NLGN4Y: variants seen among roughly 807,000 people sequenced by gnomAD.
NLGN4Y encodes neuroligin-4, Y-linked.
Under a neutral mutation model 8.4 loss-of-function variants are expected in NLGN4Y, and 4 were observed. That is an observed-to-expected ratio of 0.48 (90% CI 0.23 to 1.09). The LOEUF (loss-of-function observed/expected upper bound fraction) is 1.09, where lower values mean the gene tolerates loss of function less well. Among genes scored for constraint, NLGN4Y ranks in the 50% least tolerant of loss-of-function variants. The pLI is 0.19. For missense variants in NLGN4Y, 90 were observed against 192.3 expected (o/e 0.47, Z 3.15); for synonymous variants, 35 against 75.6 (o/e 0.46, Z 2.78).
chrY:14,839,555 C>T (rs907093885), intron 6 of NLGN4Y, among the ~76,000 whole-genome samples: 57 of 32,910 alleles, frequency 1.7e-3, no homozygotes, highest in Non-Finnish European at 3.6e-3. Flanking sequence ...AATATGTTAA[C>T]CTTGGCGTAA....
At chrY:14,601,851 G>A (rs1006756377) in intron 1 of NLGN4Y, among the ~76,000 whole-genome samples, 2 of 32,951 alleles carry the variant, frequency 6.1e-5, no homozygotes, top group Admixed American at 2.7e-4. Flanking sequence ...CCTGGGAGCA[G>A]AGGTTGCAGT....
intron 1 of NLGN4Y, among the ~76,000 whole-genome samples, chrY:14,549,673 C>A: frequency 3.0e-5 from 1 of 33,313 alleles, no homozygotes; most frequent in Non-Finnish European, 7.4e-5. Flanking sequence ...CCAGTTTCCT[C>A]GTTCTGCAGA....
At position 14,842,067 on chromosome Y, in the gene NLGN4Y, C is replaced by A. The variant is rs1285589533; in HGVS notation, c.*805C>A. ...CATGTAAACAAAGACATGGGATTTT[C>A]TGACGTAAGATTTTCATTTGTAGGA... On this transcript the variant is annotated 3_prime_UTR_variant, in exon 7 of 7. Coordinates refer to ENST00000684976, the MANE Select transcript of NLGN4Y (RefSeq NM_001365588.1). 2 of 121,502 alleles carry A rather than the reference C, an allele frequency of 1.6e-5. No individual in the cohort carries two copies. The highest frequency in any genetic ancestry group is 3.6e-5 in the Non-Finnish European group (2 of 56,137). 30.3% of individuals were successfully genotyped at this position (121,502 alleles called of 400,897 possible).
intron 1 of NLGN4Y, among the ~76,000 whole-genome samples, chrY:14,540,302 TA>T (rs2080145828): frequency 6.3e-5 from 2 of 31,851 alleles, no homozygotes; most frequent in African/African-American, 1.2e-4. Context: ...AGGGCATCTC[TA>T]AAAAAAAGGC....
At chrY:14,545,334 T>G in intron 1 of NLGN4Y, among the ~76,000 whole-genome samples, 1 of 33,338 alleles carries the variant, frequency 3.0e-5, no homozygotes, top group Non-Finnish European at 7.4e-5. Context: ...TTTCCAGTTC[T>G]AGATCCCTGA....
chrY:14,756,866 CATATATAT>C (rs145217639), intron 4 of NLGN4Y, among the ~76,000 whole-genome samples: 411 of 2,132 alleles, frequency 0.19, no homozygotes, highest in East Asian at 0.25. Flanking sequence ...ATATTTTATA[CATATATAT>C]ATATATATAT....
intron 2 of NLGN4Y, 69 bp from the exon 3 acceptor site, chrY:14,719,390 A>AT: frequency 6.5e-6 from 1 of 154,189 alleles, no homozygotes; most frequent in South Asian, 9.5e-5. Flanking sequence ...TCTTTTCTGA[A>AT]TTTTTTGCAA....
intron 2 of NLGN4Y, among the ~76,000 whole-genome samples, chrY:14,675,219 T>A (rs2150530865): frequency 3.0e-5 from 1 of 33,009 alleles, no homozygotes; most frequent in East Asian, 8.2e-4. Flanking sequence ...ATTACTAGAG[T>A]CCATACTCTA....
intron 2 of NLGN4Y, among the ~76,000 whole-genome samples, chrY:14,664,494 C>G (rs952561797): frequency 3.0e-5 from 1 of 33,585 alleles, no homozygotes; most frequent in African/African-American, 1.2e-4. Context: ...CACAGACATT[C>G]ACAGACATTT....
At chrY:14,580,418 A>C (rs760953883) in intron 1 of NLGN4Y, among the ~76,000 whole-genome samples, 1 of 31,651 alleles carries the variant, frequency 3.2e-5, no homozygotes, top group African/African-American at 1.2e-4. Context: ...GTTTCCAAAG[A>C]AAGGCATGGT....
intron 1 of NLGN4Y, among the ~76,000 whole-genome samples, chrY:14,548,476 AACAAAAC>A (rs2080180188): frequency 6.0e-5 from 2 of 33,578 alleles, no homozygotes; most frequent in Non-Finnish European, 1.5e-4. Flanking sequence ...CAACACACAA[AACAAAAC>A]ACAAAACACA....
intron 1 of NLGN4Y, among the ~76,000 whole-genome samples, chrY:14,599,690 C>A (rs2080419830): frequency 3.0e-5 from 1 of 32,941 alleles, no homozygotes; most frequent in Non-Finnish European, 7.4e-5. Context: ...TGCACAAATT[C>A]TCTGCCCCAT....
At chrY:14,623,126 T>C in intron 2 of NLGN4Y, among the ~76,000 whole-genome samples, 1 of 33,723 alleles carries the variant, frequency 3.0e-5, no homozygotes, top group Non-Finnish European at 7.4e-5. Flanking sequence ...TAGAATCCAT[T>C]TTCTTAATGT....
chrY:14,695,853 G>A, intron 2 of NLGN4Y, among the ~76,000 whole-genome samples: 1 of 32,631 alleles, frequency 3.1e-5, no homozygotes, highest in Admixed American at 2.8e-4. Context: ...CAAGGTGTCG[G>A]CTGGGTAGCA....
chrY:14,525,421 G>A, intron 1 of NLGN4Y, among the ~76,000 whole-genome samples: 7 of 31,424 alleles, frequency 2.2e-4, no homozygotes, highest in South Asian at 1.5e-3. Context: ...CTGGTGATGT[G>A]CCCGAGCTTG....
chrY:14,561,772 G>A (rs747281973), intron 1 of NLGN4Y, among the ~76,000 whole-genome samples: 38 of 33,551 alleles, frequency 1.1e-3, no homozygotes, highest in Non-Finnish European at 1.8e-3. Context: ...TCTAACTGGC[G>A]TGAGATGGTA....
chrY:14,542,267 G>A, intron 1 of NLGN4Y, among the ~76,000 whole-genome samples: 1 of 33,729 alleles, frequency 3.0e-5, no homozygotes, highest in African/African-American at 1.2e-4. Flanking sequence ...AAATACATAT[G>A]CCCCTAGTAC....
chrY:14,768,457 G>A, intron 4 of NLGN4Y, among the ~76,000 whole-genome samples: 1 of 33,427 alleles, frequency 3.0e-5, no homozygotes, highest in South Asian at 6.6e-4. Flanking sequence ...AATACTTTAG[G>A]GAAGGGATAA....
intron 2 of NLGN4Y, among the ~76,000 whole-genome samples, chrY:14,661,075 G>A (rs2080672998): frequency 3.0e-5 from 1 of 33,191 alleles, no homozygotes; most frequent in Non-Finnish European, 7.4e-5. Flanking sequence ...CAATAGCCAA[G>A]TTGTGGAGTC....
Sources: gnomAD v4.1 joint callset for allele counts (sites outside exome capture counted in the v4.1 genomes callset) on GRCh38, gnomAD v4.1.1 for gene constraint, MANE v1.5 for transcripts, NCBI Gene and HGNC (gene_info 2026-07-23, HGNC 2026-07-21) for gene names.